Variants in KLHL1 observed in about 807,000 individuals in gnomAD.
KLHL1 encodes kelch-like protein 1.
KLHL1 carries 47 observed loss-of-function variants against 77.7 expected under a neutral mutation model. That is an observed-to-expected ratio of 0.60 (90% confidence interval 0.48 to 0.77). KLHL1 has a LOEUF of 0.77. Ranked by LOEUF, KLHL1 falls within the 30% of genes least tolerant of loss-of-function variation. The probability of loss-of-function intolerance (pLI) is 0.00; values close to 1 mark genes in which losing one functional copy is unlikely to be tolerated. For synonymous variants in KLHL1, 360 were observed against 325.2 expected (o/e 1.11, Z -1.15); for missense variants, 925 against 910.8 (o/e 1.02, Z -0.20).
At chr13:69,739,138 T>C (rs780431002) in intron 8 of KLHL1, among the ~76,000 whole-genome samples, 17 of 152,172 alleles carry the variant, frequency 1.1e-4, no homozygotes, top group Non-Finnish European at 2.5e-4. Flanking sequence ...TAGAATTTCA[T>C]AGCTAGCTTA....
Position 70,107,439 on chromosome 13 carries a change from AGAG to A in KLHL1, c.258_260del (p.Ser88del), listed in dbSNP as rs762432129. The A allele has an allele frequency of 1.2e-6, 2 of 1,611,046 alleles. No individual in the cohort carries two copies. Among genetic ancestry groups the A allele is most frequent in the Non-Finnish European group, 1.7e-6 (2 of 1,179,900 alleles). On this transcript the variant is annotated inframe_deletion, in exon 1 of 11. Coordinates refer to ENST00000377844, the MANE Select transcript of KLHL1 (RefSeq NM_020866.3). ...GGGTGCCATTCAGCGGATTGAAGGA[AGAG>A]GAGGAAGAGGACGGGGAGGACGATG... is the stretch of plus-strand genomic sequence containing the variant.
chr13:69,840,682 C>T (rs1006549908), intron 5 of KLHL1, among the ~76,000 whole-genome samples: 20 of 137,702 alleles, frequency 1.5e-4, no homozygotes, highest in Admixed American at 1.4e-3. Flanking sequence ...TGAACATTAA[C>T]TTTATATATA....
intron 4 of KLHL1, among the ~76,000 whole-genome samples, chr13:69,889,504 T>G (rs1363447600): frequency 6.6e-6 from 1 of 152,070 alleles, no homozygotes; most frequent in Non-Finnish European, 1.5e-5. Context: ...TTTGATTAAT[T>G]TTTTTCTGGT....
At chr13:69,830,030 CAAT>C (rs1878700164) in intron 6 of KLHL1, among the ~76,000 whole-genome samples, 1 of 148,542 alleles carries the variant, frequency 6.7e-6, no homozygotes, top group Non-Finnish European at 1.5e-5. Flanking sequence ...GCTTATAAAA[CAAT>C]AATACAGTGG....
intron 5 of KLHL1, among the ~76,000 whole-genome samples, chr13:69,861,596 A>G (rs899900335): frequency 6.6e-6 from 1 of 151,854 alleles, no homozygotes; most frequent in African/African-American, 2.4e-5. Flanking sequence ...TGTTTTACAA[A>G]CAAGTTTATG....
rs866503699 is a variant in KLHL1, at chr13:69,931,974, G to A, written c.1014+8066C>T. Reference sequence around the variant, plus strand: ...AGGCACAAAAATATTTTAAATTATTGTAGGATGCAGAGAAAATATTTTACT... The same window carrying A: ...AGGCACAAAAATATTTTAAATTATTATAGGATGCAGAGAAAATATTTTACT... On this transcript the variant is annotated intron_variant, in intron 4 of 10. Coordinates refer to ENST00000377844, the MANE Select transcript of KLHL1 (RefSeq NM_020866.3). 2.6e-5 allele frequency among the ~76,000 whole-genome samples: 4 copies of A among 151,864 alleles called. No homozygotes were observed. In the Middle Eastern group the frequency reaches 0.014, roughly 517 times the overall value.
chr13:69,712,744 ATTTT>A (rs1875932995), intron 9 of KLHL1, among the ~76,000 whole-genome samples: 1 of 115,350 alleles, frequency 8.7e-6, no homozygotes, highest in Admixed American at 1.0e-4. Flanking sequence ...AAATTTATAA[ATTTT>A]GTTTGTTTTT....
At chr13:69,855,201 C>T (rs1879838043) in intron 5 of KLHL1, among the ~76,000 whole-genome samples, 1 of 151,942 alleles carries the variant, frequency 6.6e-6, no homozygotes, top group African/African-American at 2.4e-5. Flanking sequence ...AACAGACTGT[C>T]TACTAGTTAG....
At chr13:70,017,372 A>T (rs1305948123) in intron 1 of KLHL1, among the ~76,000 whole-genome samples, 1 of 152,206 alleles carries the variant, frequency 6.6e-6, no homozygotes, top group African/African-American at 2.4e-5. Flanking sequence ...CCTCATCCAG[A>T]CACAATTGCC....
chr13:70,064,456 G>T (rs768230454), intron 1 of KLHL1, among the ~76,000 whole-genome samples: 1 of 152,140 alleles, frequency 6.6e-6, no homozygotes, highest in Admixed American at 6.6e-5. Context: ...AAATTCTGTA[G>T]TGTGTTTTAT....
At chr13:69,802,785 G>A (rs545970654) in intron 6 of KLHL1, among the ~76,000 whole-genome samples, 27 of 152,004 alleles carry the variant, frequency 1.8e-4, no homozygotes, top group Non-Finnish European at 3.2e-4. Context: ...CAGGGAGCTC[G>A]GCTCTTGAGA....
At chr13:69,899,779 A>C (rs1252555994) in intron 4 of KLHL1, among the ~76,000 whole-genome samples, 1 of 152,134 alleles carries the variant, frequency 6.6e-6, no homozygotes, top group Admixed American at 6.5e-5. Flanking sequence ...AGTGATCACA[A>C]AGAATCTTTC....
intron 8 of KLHL1, among the ~76,000 whole-genome samples, chr13:69,723,457 T>A (rs527529166): frequency 6.6e-6 from 1 of 152,150 alleles, no homozygotes; most frequent in South Asian, 2.1e-4. Flanking sequence ...AATTATTATG[T>A]GTCAATAACA....
chr13:69,736,367 C>G (rs568682569), intron 8 of KLHL1, among the ~76,000 whole-genome samples: 1 of 152,096 alleles, frequency 6.6e-6, no homozygotes, highest in Non-Finnish European at 1.5e-5. Context: ...CAAGAATGGT[C>G]ATAATCCAAA....
At chr13:69,794,830 A>T (rs1434395786) in intron 7 of KLHL1, among the ~76,000 whole-genome samples, 1 of 152,132 alleles carries the variant, frequency 6.6e-6, no homozygotes, top group South Asian at 2.1e-4. Flanking sequence ...AACAATACAG[A>T]AGGCTGAATA....
At chr13:70,099,540 T>C (rs1887874966) in intron 1 of KLHL1, among the ~76,000 whole-genome samples, 1 of 151,992 alleles carries the variant, frequency 6.6e-6, no homozygotes, top group Non-Finnish European at 1.5e-5. Flanking sequence ...CCTTGGGCCA[T>C]ATAACAAACT....
At chr13:70,006,762 A>G (rs1885417390) in intron 1 of KLHL1, among the ~76,000 whole-genome samples, 1 of 152,008 alleles carries the variant, frequency 6.6e-6, no homozygotes, top group African/African-American at 2.4e-5. Context: ...TGACAGCACT[A>G]GATTACTATT....
chr13:69,916,706 A>G (rs1029969832), intron 4 of KLHL1, among the ~76,000 whole-genome samples: 3 of 152,104 alleles, frequency 2.0e-5, no homozygotes, highest in South Asian at 2.1e-4. Context: ...AAACCTGCAC[A>G]TTGTGCACAT....
chr13:70,058,621 T>C (rs2137401870), intron 1 of KLHL1, among the ~76,000 whole-genome samples: 1 of 152,332 alleles, frequency 6.6e-6, no homozygotes, highest in Admixed American at 6.5e-5. Flanking sequence ...GAAGAATTAA[T>C]ATTTTTAAAA....
Sources: gnomAD v4.1 joint callset for allele counts (sites outside exome capture counted in the v4.1 genomes callset) on GRCh38, gnomAD v4.1.1 for gene constraint, MANE v1.5 for transcripts, NCBI Gene and HGNC (gene_info 2026-07-23, HGNC 2026-07-21) for gene names.